The following COL24A1 variants were observed in gnomAD, a reference collection of about 807,000 sequenced individuals.
COL24A1 encodes collagen alpha-1(XXIV) chain.
Under a neutral mutation model 253.9 loss-of-function variants are expected in COL24A1, and 224 were observed. That is an observed-to-expected ratio of 0.88 (90% confidence interval 0.79 to 0.99). COL24A1 has a LOEUF of 0.99. Ranked by LOEUF, COL24A1 falls within the 50% of genes least tolerant of loss-of-function variation. COL24A1 has a pLI of 0.00. For synonymous variants in COL24A1, 685 were observed against 673.7 expected (o/e 1.02, Z -0.26); for missense variants, 2,131 against 2,068.5 (o/e 1.03, Z -0.59).
Position 85,747,473 on chromosome 1 carries a change from A to G in COL24A1, c.4438-1967T>C, listed in dbSNP as rs570290650. On this transcript the variant is annotated intron_variant, in intron 55 of 59. Transcript: ENST00000370571. ...AAATTTTAAAACTATTCATGTGTCA[A>G]TTGCTTTAAAATTTCAACAAACCCA... is the stretch of plus-strand genomic sequence containing the variant. Among the ~76,000 whole-genome samples the G allele has an allele frequency of 8.5e-5, 13 of 152,180 alleles. No individual in the cohort carries two copies. The East Asian group carries it at 1.5e-3, about 18-fold the overall frequency.
chr1:86,061,155 C>T (rs1032791484), intron 8 of COL24A1, among the ~76,000 whole-genome samples: 3 of 151,942 alleles, frequency 2.0e-5, no homozygotes, highest in Non-Finnish European at 1.5e-5. Flanking sequence ...TTCAAAGGCC[C>T]GTCTCCCTAG....
chr1:85,889,439 G>T, intron 32 of COL24A1, 121 bp downstream of exon 32: 2 of 781,906 alleles, frequency 2.6e-6, no homozygotes, highest in Non-Finnish European at 4.3e-6. Flanking sequence ...ATTAGTCTAT[G>T]GTGTCTATGA....
At chr1:85,914,983 G>A (rs997957259) in intron 24 of COL24A1, among the ~76,000 whole-genome samples, 4 of 152,134 alleles carry the variant, frequency 2.6e-5, no homozygotes, top group African/African-American at 9.7e-5. Context: ...GGGCTGTCAC[G>A]GTTAATTTTA....
intron 5 of COL24A1, among the ~76,000 whole-genome samples, chr1:86,102,591 T>C (rs1167046640): frequency 3.9e-5 from 6 of 152,214 alleles, no homozygotes; most frequent in Admixed American, 2.0e-4. Flanking sequence ...TTTGTTCTCA[T>C]TAGTTTCAAA....
intron 2 of COL24A1, among the ~76,000 whole-genome samples, chr1:86,139,052 A>T (rs985162345): frequency 6.6e-6 from 1 of 152,122 alleles, no homozygotes; most frequent in Non-Finnish European, 1.5e-5. Flanking sequence ...TAAGCTTACA[A>T]AGCTGACATA....
intron 7 of COL24A1, among the ~76,000 whole-genome samples, chr1:86,088,599 T>C (rs1411277760): frequency 1.3e-5 from 2 of 152,166 alleles, no homozygotes; most frequent in African/African-American, 4.8e-5. Flanking sequence ...CTTAGTCATA[T>C]GAACATGACT....
intron 47 of COL24A1, among the ~76,000 whole-genome samples, chr1:85,797,840 A>T (rs1670995596): frequency 6.6e-6 from 1 of 152,146 alleles, no homozygotes; most frequent in Non-Finnish European, 1.5e-5. Flanking sequence ...GAAGCAAGGT[A>T]GAATATATGT....
At chr1:85,938,834 C>T (rs1399097882) in intron 24 of COL24A1, among the ~76,000 whole-genome samples, 2 of 117,998 alleles carry the variant, frequency 1.7e-5, no homozygotes, top group Non-Finnish European at 3.8e-5. Context: ...CTATAAAAGC[C>T]CAGTTACTTA....
chr1:86,137,203 C>A (rs1289027557), intron 2 of COL24A1, among the ~76,000 whole-genome samples: 1 of 152,070 alleles, frequency 6.6e-6, no homozygotes, highest in Non-Finnish European at 1.5e-5. Flanking sequence ...AAAAATCAAT[C>A]CAGTTCATGT....
At chr1:85,747,101 C>CTTTTTTT (rs34758363) in intron 55 of COL24A1, among the ~76,000 whole-genome samples, 13 of 111,272 alleles carry the variant, frequency 1.2e-4, no homozygotes, top group Admixed American at 2.0e-4. Context: ...TGAATTATAA[C>CTTTTTTT]TTTTTTTTTT....
intron 1 of COL24A1, among the ~76,000 whole-genome samples, chr1:86,147,884 C>G (rs1652129005): frequency 6.6e-6 from 1 of 152,214 alleles, no homozygotes; most frequent in Admixed American, 6.5e-5. Flanking sequence ...TCCTTTCCTA[C>G]TGCACTAGGT....
chr1:85,833,758 C>T (rs980709968), intron 43 of COL24A1, among the ~76,000 whole-genome samples: 13 of 152,074 alleles, frequency 8.5e-5, no homozygotes, highest in African/African-American at 3.1e-4. Context: ...AAATGTGGCA[C>T]ATATACAATA....
chr1:86,031,979 A>G, intron 13 of COL24A1, 57 bp from the exon 14 acceptor site: 1 of 1,378,998 alleles, frequency 7.3e-7, no homozygotes, highest in Middle Eastern at 1.8e-4. Context: ...TACTAAGGGT[A>G]TTTCTGAAGA....
At chr1:85,761,489 T>A (rs1191005192) in intron 54 of COL24A1, 42 bp downstream of exon 54, 2 of 1,613,748 alleles carry the variant, frequency 1.2e-6, no homozygotes, top group Non-Finnish European at 1.7e-6. Flanking sequence ...GGCAAACATA[T>A]AAGCATCAAT....
At chr1:85,933,770 T>C (rs979527905) in intron 24 of COL24A1, among the ~76,000 whole-genome samples, 9 of 152,200 alleles carry the variant, frequency 5.9e-5, no homozygotes, top group Non-Finnish European at 8.8e-5. Context: ...TCATAATTTA[T>C]TTATATTTAC....
intron 35 of COL24A1, among the ~76,000 whole-genome samples, chr1:85,874,176 A>G (rs1680871765): frequency 6.6e-6 from 1 of 152,322 alleles, no homozygotes; most frequent in Non-Finnish European, 1.5e-5. Flanking sequence ...CTATATTAGC[A>G]TAACGTCTCA....
At chr1:85,781,796 GT>G (rs996202959) in intron 51 of COL24A1, among the ~76,000 whole-genome samples, 1 of 152,144 alleles carries the variant, frequency 6.6e-6, no homozygotes, top group African/African-American at 2.4e-5. Flanking sequence ...TAGGGCCATT[GT>G]GAGAATTAAA....
At chr1:85,885,098 TAAG>T (rs1321057603) in intron 32 of COL24A1, among the ~76,000 whole-genome samples, 1 of 152,202 alleles carries the variant, frequency 6.6e-6, no homozygotes, top group African/African-American at 2.4e-5. Context: ...CTGACAGATC[TAAG>T]AAGAGTTGTT....
chr1:85,990,057 C>T (rs12035544), intron 19 of COL24A1, among the ~76,000 whole-genome samples: 15,691 of 152,190 alleles, frequency 0.1, 1,480 homozygotes, highest in East Asian at 0.42. Context: ...GCCTGATACA[C>T]AGTAAGTGCT....
Sources: gnomAD v4.1 joint callset for allele counts (sites outside exome capture counted in the v4.1 genomes callset) on GRCh38, gnomAD v4.1.1 for gene constraint, MANE v1.5 for transcripts, NCBI Gene and HGNC (gene_info 2026-07-23, HGNC 2026-07-21) for gene names.